The following DOCK8 variants were observed in gnomAD, a reference collection of about 807,000 sequenced individuals.
The protein encoded by DOCK8 is dedicator of cytokinesis 8, also known as dedicator of cytokinesis protein 8.
In DOCK8, 141 loss-of-function variants were observed where a neutral mutation model predicts 245.6. The observed-to-expected ratio is 0.57, with a 90% CI of 0.50 to 0.66. The LOEUF is 0.66. Ranked by LOEUF, DOCK8 falls within the 30% of genes least tolerant of loss-of-function variation. The pLI, the probability that DOCK8 is intolerant of heterozygous loss-of-function variation, is 0.00. For missense variants in DOCK8, 2,965 were observed against 2,603.4 expected, an observed-to-expected ratio of 1.14 and a Z score of -3.02; for synonymous variants, 1,168 against 970.2, an observed-to-expected ratio of 1.20 and a Z score of -3.79.
rs2049759582 is a variant in DOCK8, at chr9:305,134, C to G, written c.528+430C>G. 2.0e-5 allele frequency among the ~76,000 whole-genome samples: 3 copies of G among 152,124 alleles called. No homozygotes were observed. The South Asian group carries it at 6.2e-4, about 32-fold the overall frequency. Reference sequence around the variant, plus strand: ...ATTAAACTTATTGGGCTTCAGTTTCCTCCCCTGGGAAACAAGGATGGTAAT... The same window carrying G: ...ATTAAACTTATTGGGCTTCAGTTTCGTCCCCTGGGAAACAAGGATGGTAAT... On this transcript the variant is annotated intron_variant, in intron 5 of 47. Coordinates refer to ENST00000432829, the MANE Select transcript of DOCK8 (RefSeq NM_203447.4).
chr9:442,925 CAAAG>C (rs1382092898), intron 42 of DOCK8, among the ~76,000 whole-genome samples: 1 of 152,182 alleles, frequency 6.6e-6, no homozygotes, highest in Non-Finnish European at 1.5e-5. Flanking sequence ...TTACTTGACT[CAAAG>C]AAGCCATTGC....
chr9:334,913 C>T, intron 11 of DOCK8, among the ~76,000 whole-genome samples: 1 of 152,026 alleles, frequency 6.6e-6, no homozygotes, highest in Non-Finnish European at 1.5e-5. Context: ...AAAACCCTGT[C>T]TCTACTAAAA....
In DOCK8 at chr9:368,054, TG is replaced by T; in HGVS notation, c.1717del (p.Val573Ter). On this transcript the variant is annotated frameshift_variant, in exon 15 of 48. Coordinates refer to ENST00000432829, the MANE Select transcript of DOCK8 (RefSeq NM_203447.4). LOFTEE classifies it high-confidence loss of function. ...LYVYPQRLNF[V>X]NKLASARNIT... Reference sequence around the variant, plus strand: ...ATGTCTACCCACAGAGGCTGAACTTTGTAAACAAACTAGCATCAGCCCGGAA... The same window carrying T: ...ATGTCTACCCACAGAGGCTGAACTTTTAAACAAACTAGCATCAGCCCGGAA... 1 of 1,614,216 alleles carries T rather than the reference TG, an allele frequency of 6.2e-7. No homozygotes were observed. The highest frequency in any genetic ancestry group is 8.5e-7 in the Non-Finnish European group (1 of 1,180,026).
rs78355045 is a variant in DOCK8, at chr9:348,533, A to G, written c.1679+8212A>G. 2.4e-4 allele frequency among the ~76,000 whole-genome samples: 37 copies of G among 152,336 alleles called. No individual in the cohort carries two copies. In the East Asian group the frequency reaches 6.2e-3, roughly 25 times the overall value. On this transcript the variant is annotated intron_variant, in intron 14 of 47. Transcript: ENST00000432829. Reference sequence around the variant, plus strand: ...TACATAGAATTCAGCAGGAAGCTTCATGAGGCACCCTGTTTCTACATGAGT... The same window carrying G: ...TACATAGAATTCAGCAGGAAGCTTCGTGAGGCACCCTGTTTCTACATGAGT...
intron 1 of DOCK8, among the ~76,000 whole-genome samples, chr9:270,631 A>G (rs1702161061): frequency 6.6e-6 from 1 of 152,250 alleles, no homozygotes; most frequent in Admixed American, 6.5e-5. Context: ...AGAAAACATA[A>G]TACGCTTCAT....
chr9:365,835 A>AGAGG (rs1196340669), intron 14 of DOCK8: 1 of 364,422 alleles, frequency 2.7e-6, no homozygotes, highest in Non-Finnish European at 5.3e-6. Flanking sequence ...CAGTGAGCAG[A>AGAGG]GAGGGGTCTG....
At chr9:336,795 C>T (rs2130897676) in intron 12 of DOCK8, 77 bp downstream of exon 12, 9 of 1,570,598 alleles carry the variant, frequency 5.7e-6, no homozygotes, top group South Asian at 3.3e-5. Context: ...GAGGAGGATA[C>T]GTAGTGATTA....
chr9:446,022 G>A (rs1272254401), intron 43 of DOCK8, among the ~76,000 whole-genome samples: 2 of 152,234 alleles, frequency 1.3e-5, no homozygotes, highest in Non-Finnish European at 2.9e-5. Flanking sequence ...TAACTGTGAG[G>A]TAGTCATTGT....
At chr9:340,095 C>T in intron 13 of DOCK8, 64 bp from the exon 14 acceptor site, 1 of 1,568,008 alleles carries the variant, frequency 6.4e-7, no homozygotes. Flanking sequence ...GTGCAACAAT[C>T]TTTCTTGATT....
In DOCK8 at chr9:289,518, T is replaced by G. The variant is rs1461934810; in HGVS notation, c.341T>G (p.Leu114Arg). The change falls in exon 4 of 48, where the codon CTG becomes CGG. Residue 114 changes from leucine (L) to arginine (R), a missense_variant. Leu to Arg is a moderately radical substitution (Grantham distance 102). Transcript: ENST00000432829. ...ATTTTCTACCTCATTAGGGTTGAAC[T>G]GGACCCTCATGTCAGGGACTGTGTT... ...QPSLPEEGVE[L>R]DPHVRDCVQT... 6.2e-7 allele frequency: 1 copy of G among 1,613,568 alleles called. No individual in the cohort carries two copies. The highest frequency in any genetic ancestry group is 1.7e-5 in the Admixed American group (1 of 60,010).
chr9:215,065 G>A (rs1160137958), intron 1 of DOCK8, 36 bp downstream of exon 1: 2 of 1,550,712 alleles, frequency 1.3e-6, no homozygotes, highest in Non-Finnish European at 1.7e-6. Context: ...GTTGCGGCCG[G>A]ACAGCCCAGC....
Position 361,940 on chromosome 9 carries a change from A to G in DOCK8, c.1680-6078A>G, listed in dbSNP as rs376389870. 1.3e-4 allele frequency among the ~76,000 whole-genome samples: 20 copies of G among 152,284 alleles called. No individual in the cohort carries two copies. The East Asian group carries it at 1.7e-3, about 13-fold the overall frequency. ...TTTCTGCATTTTCACTCAACATTAT[A>G]CACTGAGTATTGGCCATTTCACTCA... On this transcript the variant is annotated intron_variant, in intron 14 of 47. Transcript: ENST00000432829.
chr9:458,467 C>T (rs527847422), intron 46 of DOCK8: 1 of 152,252 alleles, frequency 6.6e-6, no homozygotes, highest in Admixed American at 6.5e-5. Context: ...AAACAACTAA[C>T]GAATGTTTGT....
chr9:247,714 T>C (rs527683470), intron 1 of DOCK8, among the ~76,000 whole-genome samples: 12 of 152,102 alleles, frequency 7.9e-5, no homozygotes, highest in African/African-American at 2.9e-4. Flanking sequence ...TTTGTATTTT[T>C]TTTTAGTAGA....
chr9:331,297 C>G (rs2051000257), intron 9 of DOCK8, among the ~76,000 whole-genome samples: 16 of 152,150 alleles, frequency 1.1e-4, no homozygotes. Context: ...TGTGGTGCAT[C>G]TCTCAGTGGG....
chr9:402,750 T>C (rs1459692504), intron 26 of DOCK8, among the ~76,000 whole-genome samples: 2 of 152,262 alleles, frequency 1.3e-5, no homozygotes, highest in East Asian at 3.8e-4. Flanking sequence ...CCTCAATTAC[T>C]GTCTGTCACT....
intron 26 of DOCK8, among the ~76,000 whole-genome samples, chr9:400,044 C>CTCCACCACCAGCACT (rs2054713862): frequency 4.3e-5 from 4 of 92,748 alleles, no homozygotes; most frequent in Non-Finnish European, 6.6e-5. Flanking sequence ...CCACCACCAC[C>CTCCACCACCAGCACT]TCCACCATCA....
At position 274,741 on chromosome 9, in the gene DOCK8, T is replaced by A. The variant is rs896074489; in HGVS notation, c.156+3012T>A. ...TTTCTAGGAAGGCAAAGGAGTAGTT[T>A]ATCATCTAAAGACTCTCAACCTAAA... On this transcript the variant is annotated intron_variant, in intron 2 of 47. Coordinates refer to ENST00000432829, the MANE Select transcript of DOCK8 (RefSeq NM_203447.4). Among the ~76,000 whole-genome samples the A allele has an allele frequency of 3.3e-5, 5 of 152,228 alleles. No individual in the cohort carries two copies. In the East Asian group the frequency reaches 9.6e-4, roughly 29 times the overall value.
In DOCK8 at chr9:214,866, A is replaced by G. The variant is rs2046700792; in HGVS notation, c.-111A>G. Reference sequence around the variant, plus strand: ...ATGCGGAAGTTTCCAGCGCCGACCGACAGACGAGGTTTGCGCTTGGCTGGG... The same window carrying G: ...ATGCGGAAGTTTCCAGCGCCGACCGGCAGACGAGGTTTGCGCTTGGCTGGG... On this transcript the variant is annotated 5_prime_UTR_variant, in exon 1 of 48. Transcript: ENST00000432829. 6.2e-7 allele frequency: 1 copy of G among 1,601,566 alleles called. No homozygotes were observed. Among genetic ancestry groups the G allele is most frequent in the Admixed American group, 1.7e-5 (1 of 59,194 alleles).
Sources: allele counts gnomAD v4.1 joint callset (sites outside exome capture counted in the v4.1 genomes callset), GRCh38; gene constraint gnomAD v4.1.1; transcripts MANE v1.5; gene names NCBI Gene and HGNC (gene_info 2026-07-23, HGNC 2026-07-21).